LRP1B: variants seen among roughly 807,000 people sequenced by gnomAD.
The protein encoded by LRP1B is low-density lipoprotein receptor-related protein 1B.
A neutral mutation model predicts 556.6 loss-of-function variants in LRP1B; 217 were observed. That is an observed-to-expected ratio of 0.39 (90% CI 0.35 to 0.44). The LOEUF is 0.44. LRP1B is among the 20% of genes least tolerant of loss of function. The pLI is 1.00. For synonymous variants in LRP1B, 2,047 were observed against 1,865.8 expected (o/e 1.10, Z -2.50); for missense variants, 5,053 against 5,620.8 (o/e 0.90, Z 3.23).
chr2:141,039,469 G>T (rs1698634465), intron 11 of LRP1B, among the ~76,000 whole-genome samples: 2 of 151,904 alleles, frequency 1.3e-5, no homozygotes, highest in Admixed American at 6.6e-5. Context: ...GAGGGTTTTT[G>T]AACTTATTTA....
At chr2:140,877,805 G>A (rs1693355658) in intron 25 of LRP1B, among the ~76,000 whole-genome samples, 1 of 152,114 alleles carries the variant, frequency 6.6e-6, no homozygotes, top group Admixed American at 6.6e-5. Context: ...TCACTAAAAT[G>A]TACAAAATCA....
intron 67 of LRP1B, among the ~76,000 whole-genome samples, chr2:140,385,320 C>T (rs1683710888): frequency 6.6e-6 from 1 of 152,060 alleles, no homozygotes; most frequent in South Asian, 2.1e-4. Flanking sequence ...AACTGCCATA[C>T]TCTTCAGAAA....
chr2:141,678,673 TTAAGAATAAAA>T (rs1226863670), intron 2 of LRP1B, among the ~76,000 whole-genome samples: 18 of 152,246 alleles, frequency 1.2e-4, no homozygotes, highest in Non-Finnish European at 2.6e-4. Context: ...TATCTACATA[TTAAGAATAAAA>T]CAAACATTAT....
At chr2:141,958,548 T>TA (rs1701324461) in intron 1 of LRP1B, among the ~76,000 whole-genome samples, 4 of 152,082 alleles carry the variant, frequency 2.6e-5, no homozygotes, top group South Asian at 2.1e-4. Flanking sequence ...TTATAATTTT[T>TA]TAAAAAATCT....
At chr2:140,431,935 C>G (rs1452742871) in intron 66 of LRP1B, among the ~76,000 whole-genome samples, 1 of 152,080 alleles carries the variant, frequency 6.6e-6, no homozygotes, top group Admixed American at 6.6e-5. Context: ...TTTTCGCTGT[C>G]CCATCATTTT....
At chr2:140,994,329 A>T (rs990920485) in intron 15 of LRP1B, among the ~76,000 whole-genome samples, 194 bp from the exon 16 acceptor site, 2 of 151,646 alleles carry the variant, frequency 1.3e-5, no homozygotes, top group African/African-American at 4.8e-5. Flanking sequence ...CAATTGACAG[A>T]ATTTCCTTTT....
At chr2:141,770,600 A>T (rs1186772867) in intron 2 of LRP1B, among the ~76,000 whole-genome samples, 4 of 152,174 alleles carry the variant, frequency 2.6e-5, no homozygotes, top group Non-Finnish European at 4.4e-5. Flanking sequence ...TTCTCTGAAC[A>T]TGTTCTCTTT....
chr2:140,281,560 T>C (rs932123899), intron 84 of LRP1B, among the ~76,000 whole-genome samples: 1 of 151,906 alleles, frequency 6.6e-6, no homozygotes, highest in Non-Finnish European at 1.5e-5. Flanking sequence ...TATTGCATTT[T>C]ATGAATGGAC....
At chr2:141,246,610 A>G (rs757599842) in intron 5 of LRP1B, among the ~76,000 whole-genome samples, 4 of 152,162 alleles carry the variant, frequency 2.6e-5, no homozygotes, top group Admixed American at 6.6e-5. Flanking sequence ...TCCAGGAGAG[A>G]GGATAGGTAA....
intron 2 of LRP1B, among the ~76,000 whole-genome samples, chr2:141,566,246 A>C (rs1296868473): frequency 6.6e-6 from 1 of 152,134 alleles, no homozygotes; most frequent in Non-Finnish European, 1.5e-5. Flanking sequence ...GCAGACTGGG[A>C]AATTAAAACT....
chr2:140,682,537 A>G (rs111867234), intron 41 of LRP1B, among the ~76,000 whole-genome samples: 7,417 of 152,268 alleles, frequency 0.049, 270 homozygotes, highest in Middle Eastern at 0.099. Context: ...TGAGCAAGGC[A>G]CAGTTTCTGT....
intron 43 of LRP1B, among the ~76,000 whole-genome samples, chr2:140,577,671 C>T (rs1177447319): frequency 6.6e-6 from 1 of 151,942 alleles, no homozygotes. Flanking sequence ...TTTTCCCCAC[C>T]CCCCAGCCTC....
chr2:142,067,181 C>A (rs1705137649), intron 1 of LRP1B, among the ~76,000 whole-genome samples: 1 of 151,364 alleles, frequency 6.6e-6, no homozygotes, highest in Admixed American at 6.6e-5. Flanking sequence ...ATTGAACACA[C>A]CCAGATAATC....
chr2:141,194,118 TTCA>T (rs1029612366), intron 6 of LRP1B, among the ~76,000 whole-genome samples: 45 of 152,150 alleles, frequency 3.0e-4, no homozygotes, highest in African/African-American at 1.1e-3. Flanking sequence ...TACTTTTTCT[TTCA>T]TCGACTGTAA....
intron 2 of LRP1B, among the ~76,000 whole-genome samples, chr2:141,681,856 C>T (rs1006701097): frequency 6.6e-6 from 1 of 152,070 alleles, no homozygotes; most frequent in South Asian, 2.1e-4. Flanking sequence ...CTCTTCAGTT[C>T]AATAGAATTT....
At chr2:140,291,320 T>TATATA (rs745524571) in intron 84 of LRP1B, among the ~76,000 whole-genome samples, 1,267 of 51,146 alleles carry the variant, frequency 0.025, 66 homozygotes, top group African/African-American at 0.053. Flanking sequence ...ATATATATAT[T>TATATA]TTTATTATAC....
chr2:140,508,600 A>T (rs1437167023), intron 52 of LRP1B, among the ~76,000 whole-genome samples: 1 of 152,154 alleles, frequency 6.6e-6, no homozygotes, highest in Non-Finnish European at 1.5e-5. Flanking sequence ...AATCAGAGTA[A>T]AACTCTGATT....
chr2:142,123,250 GAAGA>G (rs1274267703), intron 1 of LRP1B, among the ~76,000 whole-genome samples: 2 of 151,868 alleles, frequency 1.3e-5, no homozygotes, highest in Non-Finnish European at 2.9e-5. Flanking sequence ...CTCATTTTAA[GAAGA>G]AAGGGCTAAG....
chr2:141,008,405 T>C (rs1168468339), intron 14 of LRP1B, among the ~76,000 whole-genome samples: 1 of 151,180 alleles, frequency 6.6e-6, no homozygotes, highest in African/African-American at 2.4e-5. Flanking sequence ...AATTATCATT[T>C]ATTTCTAATC....
Sources: allele counts gnomAD v4.1 joint callset (sites outside exome capture counted in the v4.1 genomes callset), GRCh38; gene constraint gnomAD v4.1.1; transcripts MANE v1.5; gene names NCBI Gene and HGNC (gene_info 2026-07-23, HGNC 2026-07-21).